The following PPIL1 variants were observed in gnomAD, a reference collection of about 807,000 sequenced individuals.
The protein encoded by PPIL1 is peptidylprolyl isomerase like 1.
PPIL1 carries 14 observed loss-of-function variants against 19.4 expected under a neutral mutation model. The ratio of observed to expected loss-of-function variants is 0.72; its 90% CI spans 0.48 to 1.13. The LOEUF is 1.13. Ranked by LOEUF, PPIL1 falls within the 50% of genes most tolerant of loss-of-function variation. The pLI is 0.00. For synonymous variants in PPIL1, 72 were observed against 73.6 expected (o/e 0.98, Z 0.11); for missense variants, 192 against 218.0 (o/e 0.88, Z 0.75).
chr6:36,874,781 C>T lies in PPIL1; in HGVS notation c.-9G>A, dbSNP rs940292786. ...GGGGGAATTGCCGCCATAGCGAAGC[C>T]GGCGGCGGAATGCTTGTCTAGTAAT... On this transcript the variant is annotated 5_prime_UTR_variant, in exon 1 of 4. Coordinates refer to ENST00000373699, the MANE Select transcript of PPIL1 (RefSeq NM_016059.5). 3.3e-5 allele frequency: 54 copies of T among 1,613,986 alleles called. No homozygotes were observed. Among genetic ancestry groups the T allele is most frequent in the Admixed American group, 5.0e-5 (3 of 60,020 alleles).
intron 2 of PPIL1, among the ~76,000 whole-genome samples, chr6:36,863,428 T>A (rs1023588068): frequency 6.6e-6 from 1 of 152,158 alleles, no homozygotes; most frequent in African/African-American, 2.4e-5. Context: ...AAGCTGTCCA[T>A]GACTATCCTA....
At chr6:36,866,793 G>A (rs747636897) in intron 2 of PPIL1, among the ~76,000 whole-genome samples, 4 of 152,082 alleles carry the variant, frequency 2.6e-5, no homozygotes, top group Admixed American at 6.5e-5. Flanking sequence ...AAGTACCGAC[G>A]GAACCCTTTC....
chr6:36,865,032 CCATGCTAACCACTGTACCAACAT>C (rs1303776679), intron 2 of PPIL1, among the ~76,000 whole-genome samples: 1 of 152,048 alleles, frequency 6.6e-6, no homozygotes, highest in Non-Finnish European at 1.5e-5. Context: ...TGTGTCAAGC[CCATGCTAACCACTGTACCAACAT>C]CAGCTCATTT....
At chr6:36,859,578 A>G (rs1194659995) in intron 2 of PPIL1, among the ~76,000 whole-genome samples, 1 of 152,158 alleles carries the variant, frequency 6.6e-6, no homozygotes, top group Non-Finnish European at 1.5e-5. Context: ...TCAACTCAGT[A>G]GGGTTTGCGG....
intron 2 of PPIL1, among the ~76,000 whole-genome samples, chr6:36,870,257 A>G (rs939440664): frequency 3.9e-5 from 6 of 152,184 alleles, no homozygotes; most frequent in African/African-American, 1.4e-4. Context: ...AGCAGAGAAG[A>G]AGCAGACTGA....
Sources: allele counts gnomAD v4.1 joint callset (sites outside exome capture counted in the v4.1 genomes callset), GRCh38; gene constraint gnomAD v4.1.1; transcripts MANE v1.5; gene names NCBI Gene and HGNC (gene_info 2026-07-23, HGNC 2026-07-21).